Variants in PLS3 observed in about 807,000 individuals in gnomAD.
PLS3 encodes plastin-3.
Under a neutral mutation model 46.5 loss-of-function variants are expected in PLS3, and 11 were observed. The ratio of observed to expected loss-of-function variants is 0.24; its 90% CI spans 0.15 to 0.39. PLS3 has a LOEUF of 0.39. Among genes scored for constraint, PLS3 ranks in the 10% least tolerant of loss-of-function variants. The probability of loss-of-function intolerance (pLI) is 1.00; values close to 1 mark genes in which losing one functional copy is unlikely to be tolerated. For synonymous variants in PLS3, 167 were observed against 162.2 expected (o/e 1.03, Z -0.22); for missense variants, 308 against 461.8 (o/e 0.67, Z 3.05).
chrX:115,580,428 G>A (rs1036281427), intron 1 of PLS3, among the ~76,000 whole-genome samples: 7 of 112,348 alleles, frequency 6.2e-5, no homozygotes, highest in Middle Eastern at 4.2e-3. Flanking sequence ...GTTTGTCCTC[G>A]TCTACTGACA....
intron 1 of PLS3, 36 bp from the exon 2 acceptor site, chrX:115,610,207 T>G (rs1603232989): frequency 5.3e-6 from 4 of 760,252 alleles, no homozygotes; most frequent in Non-Finnish European, 7.8e-6. Flanking sequence ...TTATCACAAT[T>G]TTTTAAAGTC....
chrX:115,630,474 T>C (rs1316093892), intron 5 of PLS3, among the ~76,000 whole-genome samples: 1 of 109,427 alleles, frequency 9.1e-6, no homozygotes, highest in Non-Finnish European at 1.9e-5. Context: ...ATAATCAGTC[T>C]GCCTGACTTC....
At chrX:115,605,788 C>T (rs1456992891) in intron 1 of PLS3, among the ~76,000 whole-genome samples, 6 of 111,557 alleles carry the variant, frequency 5.4e-5, no homozygotes, top group Non-Finnish European at 1.1e-4. Context: ...AAAAGAACTG[C>T]GTTTCTGGCC....
rs1556641988 is a variant in PLS3 at position 115,647,946 on chromosome X, G to A, written c.1689G>A (p.Gln563=). 8.3e-6 allele frequency: 10 copies of A among 1,207,964 alleles called. No homozygotes were observed. The highest frequency in any genetic ancestry group is 1.0e-5 in the Non-Finnish European group (9 of 892,022). The change falls in exon 15 of 16, where the codon CAG becomes CAA. Residue 563 remains glutamine (Q), a synonymous_variant. Transcript: ENST00000355899. ...TTGTGGATTTAATTGATGCCATCCA[G>A]CCAGGCTGTATAAACTATGACCTTG... The part of the protein sequence containing the change: ...LAVVDLIDAI[Q]PGCINYDLVK...
At chrX:115,601,427 C>T (rs974719768) in intron 1 of PLS3, among the ~76,000 whole-genome samples, 1 of 102,918 alleles carries the variant, frequency 9.7e-6, no homozygotes, top group African/African-American at 3.6e-5. Context: ...GTAAAGATTG[C>T]ACTGGAGGAA....
At chrX:115,646,208 T>C in intron 12 of PLS3, 22 bp downstream of exon 12, 1 of 935,320 alleles carries the variant, frequency 1.1e-6, no homozygotes, top group African/African-American at 2.0e-5. Flanking sequence ...AGTTGCTGTA[T>C]ATATTTGTTA....
intron 3 of PLS3, among the ~76,000 whole-genome samples, chrX:115,626,854 C>CT (rs781968875): frequency 0.02 from 2,069 of 102,019 alleles, 63 homozygotes; most frequent in African/African-American, 0.069. Context: ...ATTTATTTTC[C>CT]TTTTTTTTTT....
chrX:115,624,012 G>A (rs782675264), intron 3 of PLS3, among the ~76,000 whole-genome samples: 2 of 111,277 alleles, frequency 1.8e-5, no homozygotes, highest in African/African-American at 3.3e-5. Flanking sequence ...GGTGGATCAC[G>A]AGCTCAGAAG....
chrX:115,645,955 CTT>C (rs1259986936), intron 11 of PLS3, 115 bp from the exon 12 acceptor site: 24 of 480,972 alleles, frequency 5.0e-5, no homozygotes, highest in South Asian at 1.9e-4. Context: ...AAATATGAGT[CTT>C]GGGTATTATT....
chrX:115,592,197 CTT>C (rs1556633220), intron 1 of PLS3, among the ~76,000 whole-genome samples: 1 of 111,850 alleles, frequency 8.9e-6, no homozygotes, highest in East Asian at 2.8e-4. Flanking sequence ...TATTGTCTCA[CTT>C]TCTTTCATTC....
intron 1 of PLS3, among the ~76,000 whole-genome samples, chrX:115,591,618 C>A: frequency 8.9e-6 from 1 of 111,748 alleles, no homozygotes; most frequent in Non-Finnish European, 1.9e-5. Context: ...TGGGGAAAAA[C>A]CAACATTTCT....
At chrX:115,590,635 C>T (rs964561509) in intron 1 of PLS3, among the ~76,000 whole-genome samples, 31 of 111,182 alleles carry the variant, frequency 2.8e-4, no homozygotes, top group Non-Finnish European at 5.7e-4. Flanking sequence ...GCCTGGCCAA[C>T]ATGGTGAAAA....
chrX:115,569,715 G>A (rs782575303), intron 1 of PLS3, among the ~76,000 whole-genome samples: 12 of 111,228 alleles, frequency 1.1e-4, no homozygotes, highest in African/African-American at 3.3e-4. Flanking sequence ...CCCTTCCATG[G>A]TGTTTTTCTC....
chrX:115,606,128 A>G (rs1338311380), intron 1 of PLS3, among the ~76,000 whole-genome samples: 1 of 87,463 alleles, frequency 1.1e-5, no homozygotes, highest in East Asian at 3.5e-4. Context: ...CATCTTATCT[A>G]ATTTCTTTTT....
intron 10 of PLS3, 134 bp from the exon 11 acceptor site, chrX:115,644,887 G>T (rs1556641465): frequency 2.3e-6 from 1 of 427,573 alleles, no homozygotes; most frequent in Non-Finnish European, 4.0e-6. Context: ...TTAGAAGAAT[G>T]CTTGGAAACT....
chrX:115,582,417 A>AC (rs1556631927), intron 1 of PLS3, among the ~76,000 whole-genome samples: 1 of 112,431 alleles, frequency 8.9e-6, no homozygotes, highest in African/African-American at 3.2e-5. Context: ...GTCAGTTACA[A>AC]TCCAGTCTGT....
At chrX:115,647,206 G>T (rs1305629686) in intron 13 of PLS3, among the ~76,000 whole-genome samples, 2 of 111,506 alleles carry the variant, frequency 1.8e-5, no homozygotes, top group African/African-American at 6.5e-5. Context: ...AGGCCAAGGA[G>T]GGTGGATCAC....
chrX:115,593,540 A>G (rs2074360367), intron 1 of PLS3: 1 of 111,031 alleles, frequency 9.0e-6, no homozygotes, highest in Non-Finnish European at 1.9e-5. Flanking sequence ...TGTAAGAAGA[A>G]TGTTGGGTTT....
In PLS3 at chrX:115,611,809, T is replaced by C. The variant is rs192619225; in HGVS notation, c.73+1486T>C. Reference sequence around the variant, plus strand: ...ACTTCATTGTCCCTTAAAAGCTTAATGACATAAAGAGGATTGACCAATTAT... The same window carrying C: ...ACTTCATTGTCCCTTAAAAGCTTAACGACATAAAGAGGATTGACCAATTAT... On this transcript the variant is annotated intron_variant, in intron 2 of 15. Transcript: ENST00000355899. Among the ~76,000 whole-genome samples, 116 of 111,956 alleles carry C rather than the reference T, an allele frequency of 1.0e-3. 1 individual carries two copies. Among genetic ancestry groups the C allele is most frequent in the African/African-American group, 3.7e-3 (115 of 30,943 alleles).
Sources: gnomAD v4.1 joint callset for allele counts (sites outside exome capture counted in the v4.1 genomes callset) on GRCh38, gnomAD v4.1.1 for gene constraint, MANE v1.5 for transcripts, NCBI Gene and HGNC (gene_info 2026-07-23, HGNC 2026-07-21) for gene names.